Variants in ADAMTS20 observed in about 807,000 individuals in gnomAD.
The protein encoded by ADAMTS20 is ADAM metallopeptidase with thrombospondin type 1 motif 20.
ADAMTS20 carries 225 observed loss-of-function variants against 260.1 expected under a neutral mutation model. The ratio of observed to expected loss-of-function variants is 0.87; its 90% CI spans 0.78 to 0.97. The LOEUF is 0.97. ADAMTS20 is among the 50% of genes least tolerant of loss of function. The pLI is 0.00. For missense variants in ADAMTS20, 2,400 were observed against 2,337.7 expected (o/e 1.03, Z -0.55); for synonymous variants, 802 against 769.5 (o/e 1.04, Z -0.70).
intron 12 of ADAMTS20, among the ~76,000 whole-genome samples, chr12:43,453,695 T>C (rs1233612052): frequency 6.6e-6 from 1 of 151,950 alleles, no homozygotes; most frequent in Non-Finnish European, 1.5e-5. Context: ...TGGATCTCAG[T>C]TCAGATTATA....
chr12:43,513,241 A>G (rs1942949435), intron 3 of ADAMTS20, among the ~76,000 whole-genome samples: 1 of 152,208 alleles, frequency 6.6e-6, no homozygotes, highest in Non-Finnish European at 1.5e-5. Context: ...ACAATGGAGC[A>G]CACTGGTCAA....
intron 2 of ADAMTS20, among the ~76,000 whole-genome samples, chr12:43,547,254 C>T (rs1369929119): frequency 6.6e-6 from 1 of 152,012 alleles, no homozygotes; most frequent in Admixed American, 6.6e-5. Context: ...TTCGCTGCCA[C>T]CAGCGAAGGG....
chr12:43,463,142 C>G, intron 10 of ADAMTS20, 143 bp from the exon 11 acceptor site: 3 of 470,644 alleles, frequency 6.4e-6, no homozygotes, highest in Non-Finnish European at 7.3e-6. Flanking sequence ...AATTTTTTTA[C>G]TAAGTTCTAG....
At chr12:43,470,503 T>C (rs1377053462) in intron 7 of ADAMTS20, among the ~76,000 whole-genome samples, 4 of 152,218 alleles carry the variant, frequency 2.6e-5, no homozygotes, top group Admixed American at 1.3e-4. Flanking sequence ...GTTAATATTA[T>C]GGAAACATGC....
At chr12:43,411,487 C>A (rs1384047468) in intron 28 of ADAMTS20, among the ~76,000 whole-genome samples, 1 of 152,108 alleles carries the variant, frequency 6.6e-6, no homozygotes, top group African/African-American at 2.4e-5. Flanking sequence ...CCTGCCTCAG[C>A]CTCCCAAGTA....
At chr12:43,521,779 C>T (rs1300547075) in intron 3 of ADAMTS20, among the ~76,000 whole-genome samples, 6 of 151,882 alleles carry the variant, frequency 4.0e-5, no homozygotes, top group Admixed American at 2.6e-4. Flanking sequence ...GGTCTCTGTG[C>T]GCCTTGCCTG....
chr12:43,482,374 A>G (rs1398540261), intron 7 of ADAMTS20, among the ~76,000 whole-genome samples: 1 of 152,174 alleles, frequency 6.6e-6, no homozygotes, highest in African/African-American at 2.4e-5. Context: ...CCATCTCCAT[A>G]GGGAAGGCTT....
At chr12:43,438,157 C>G (rs1337561869) in intron 18 of ADAMTS20, among the ~76,000 whole-genome samples, 1 of 152,160 alleles carries the variant, frequency 6.6e-6, no homozygotes, top group Non-Finnish European at 1.5e-5. Flanking sequence ...TAAGAGAACT[C>G]TCCTGCTTTG....
chr12:43,455,769 C>G lies in ADAMTS20; in HGVS notation c.1615-1717G>C, dbSNP rs558421095. ...CGTCACCCAGGCTAGAGTGCAGTGGCGTGATCACAGCTTACCGCAACCTCC... is the reference window on the plus strand; with the variant it reads ...CGTCACCCAGGCTAGAGTGCAGTGGGGTGATCACAGCTTACCGCAACCTCC... On this transcript the variant is annotated intron_variant, in intron 11 of 38. Transcript: ENST00000389420. Among the ~76,000 whole-genome samples the G allele has an allele frequency of 1.0e-3, 151 of 150,346 alleles. 1 individual carries two copies. Among genetic ancestry groups the G allele is most frequent in the Non-Finnish European group, 1.1e-3 (77 of 67,786 alleles).
chr12:43,389,585 T>TGGCC (rs1286166324), intron 29 of ADAMTS20, among the ~76,000 whole-genome samples: 2 of 152,152 alleles, frequency 1.3e-5, no homozygotes, highest in African/African-American at 4.8e-5. Flanking sequence ...TTGGTGCCTA[T>TGGCC]GGCCCTTCCA....
chr12:43,536,452 A>G (rs1465500153), intron 2 of ADAMTS20, among the ~76,000 whole-genome samples: 2 of 152,204 alleles, frequency 1.3e-5, no homozygotes, highest in Non-Finnish European at 2.9e-5. Context: ...TTATACTCCT[A>G]TGGAAAAAGG....
At chr12:43,484,105 G>C (rs1286917853) in intron 7 of ADAMTS20, among the ~76,000 whole-genome samples, 1 of 151,998 alleles carries the variant, frequency 6.6e-6, no homozygotes, top group East Asian at 1.9e-4. Context: ...CAGAACCAAA[G>C]CTAGGTGACA....
In ADAMTS20 at chr12:43,387,883, C is replaced by A. The variant is rs1302993056; in HGVS notation, c.4453-3906G>T. Among the ~76,000 whole-genome samples, 3 of 152,306 alleles carry A rather than the reference C, an allele frequency of 2.0e-5. No homozygotes were observed. The East Asian group carries it at 5.8e-4, about 30-fold the overall frequency. On this transcript the variant is annotated intron_variant, in intron 29 of 38. Coordinates refer to ENST00000389420, the MANE Select transcript of ADAMTS20 (RefSeq NM_025003.5). ...GTAATGGCTGATGCCCCTCCCCCCA[C>A]CAAGCTCCAGCATCCCAGGTTGACA...
intron 2 of ADAMTS20, among the ~76,000 whole-genome samples, chr12:43,538,649 A>T (rs1943330139): frequency 6.6e-6 from 1 of 152,188 alleles, no homozygotes; most frequent in Non-Finnish European, 1.5e-5. Context: ...TAATAGTTTG[A>T]AGTAACATAT....
At chr12:43,489,202 C>A (rs1382525141) in intron 7 of ADAMTS20, among the ~76,000 whole-genome samples, 1 of 151,858 alleles carries the variant, frequency 6.6e-6, no homozygotes, top group Non-Finnish European at 1.5e-5. Context: ...TATGTTTAGA[C>A]CTTGAGTTAC....
intron 28 of ADAMTS20, among the ~76,000 whole-genome samples, chr12:43,418,954 C>T (rs1256259855): frequency 1.3e-5 from 2 of 152,068 alleles, no homozygotes; most frequent in Non-Finnish European, 2.9e-5. Flanking sequence ...GTATATTTTT[C>T]AGCTAAAGAA....
intron 37 of ADAMTS20, among the ~76,000 whole-genome samples, chr12:43,367,506 A>G (rs1424913750): frequency 6.6e-6 from 1 of 152,042 alleles, no homozygotes; most frequent in African/African-American, 2.4e-5. Flanking sequence ...GCTAGAAACA[A>G]AAGGCTGTGT....
rs1326420407 is a variant in ADAMTS20, at chr12:43,464,520, C to T, written c.1509+71G>A. ...TATATTTAGTTCAAGAGAATAAACA[C>T]ATTTTGAAATATATTCTAAGATAAC... is the stretch of plus-strand genomic sequence containing the variant. On this transcript the variant is annotated intron_variant, in intron 10 of 38. Coordinates refer to ENST00000389420, the MANE Select transcript of ADAMTS20 (RefSeq NM_025003.5). The T allele has an allele frequency of 7.2e-6, 11 of 1,526,204 alleles. No individual in the cohort carries two copies. The African/African-American group carries it at 1.5e-4, about 21-fold the overall frequency. 94.5% of individuals were successfully genotyped at this position (1,526,204 alleles called of 1,614,324 possible). A position where few individuals can be genotyped will look rare whatever the true frequency, so the allele number is the denominator to read the frequency against.
intron 18 of ADAMTS20, among the ~76,000 whole-genome samples, chr12:43,435,695 A>G (rs951452010): frequency 3.4e-5 from 5 of 147,732 alleles, no homozygotes; most frequent in Non-Finnish European, 7.5e-5. Context: ...AAAAAAGTCT[A>G]TAAAAAAAAA....
Sources: allele counts gnomAD v4.1 joint callset (sites outside exome capture counted in the v4.1 genomes callset), GRCh38; gene constraint gnomAD v4.1.1; transcripts MANE v1.5; gene names NCBI Gene and HGNC (gene_info 2026-07-23, HGNC 2026-07-21).